ADAM18: variants seen among roughly 807,000 people sequenced by gnomAD.
The protein encoded by ADAM18 is ADAM metallopeptidase domain 18.
ADAM18 carries 117 observed loss-of-function variants against 94.4 expected under a neutral mutation model. The observed-to-expected ratio is 1.24, with a 90% CI of 1.07 to 1.45. The LOEUF (loss-of-function observed/expected upper bound fraction) is 1.45. Among genes scored for constraint, ADAM18 ranks in the 40% most tolerant of loss-of-function variants. The pLI is 0.00. For missense variants in ADAM18, 936 were observed against 880.0 expected (o/e 1.06, Z -0.81); for synonymous variants, 327 against 291.6 (o/e 1.12, Z -1.24).
intron 6 of ADAM18, 163 bp downstream of exon 6, chr8:39,610,869 A>C: frequency 1.6e-6 from 2 of 1,271,536 alleles, no homozygotes; most frequent in Non-Finnish European, 2.0e-6. Flanking sequence ...AAATATTTGG[A>C]AAGTTACATA....
At chr8:39,706,338 G>A (rs1312454260) in intron 17 of ADAM18, among the ~76,000 whole-genome samples, 1 of 152,016 alleles carries the variant, frequency 6.6e-6, no homozygotes, top group Non-Finnish European at 1.5e-5. Context: ...AAAGGGGCTA[G>A]GATAAGGAAT....
At chr8:39,706,764 A>T in intron 17 of ADAM18, 26 bp from the exon 18 acceptor site, 1 of 1,335,948 alleles carries the variant, frequency 7.5e-7, no homozygotes, top group Non-Finnish European at 1.1e-6. Context: ...GACGACTCAA[A>T]CTGTTTCTGT....
intron 12 of ADAM18, among the ~76,000 whole-genome samples, chr8:39,656,497 T>G (rs1288644248): frequency 1.3e-5 from 2 of 152,092 alleles, no homozygotes; most frequent in African/African-American, 4.8e-5. Flanking sequence ...TGTTGATAAA[T>G]GTGTAAAGGT....
At chr8:39,707,816 A>AG (rs1437305203) in intron 18 of ADAM18, among the ~76,000 whole-genome samples, 3 of 152,106 alleles carry the variant, frequency 2.0e-5, no homozygotes, top group African/African-American at 7.2e-5. Context: ...GTATTAATAT[A>AG]TTTTCCTTAT....
chr8:39,614,984 G>A (rs1489279197), intron 6 of ADAM18, among the ~76,000 whole-genome samples: 1 of 152,122 alleles, frequency 6.6e-6, no homozygotes, highest in Non-Finnish European at 1.5e-5. Context: ...ACAAAGAGAT[G>A]TAGATAACTG....
intron 7 of ADAM18, among the ~76,000 whole-genome samples, chr8:39,632,569 T>G (rs1475235562): frequency 2.0e-5 from 3 of 152,176 alleles, no homozygotes; most frequent in Non-Finnish European, 4.4e-5. Flanking sequence ...TAATATTTTG[T>G]TTTTGATTTT....
intron 11 of ADAM18, among the ~76,000 whole-genome samples, chr8:39,646,975 C>T (rs1453342778): frequency 9.2e-5 from 14 of 152,004 alleles, no homozygotes; most frequent in Non-Finnish European, 1.9e-4. Flanking sequence ...AGACATCTGA[C>T]TGAAATGTGA....
intron 10 of ADAM18, among the ~76,000 whole-genome samples, chr8:39,643,703 C>T (rs1176745903): frequency 1.3e-5 from 2 of 152,004 alleles, no homozygotes; most frequent in Non-Finnish European, 2.9e-5. Flanking sequence ...TTTGGCATTT[C>T]TTGGCTTATG....
At chr8:39,639,376 A>G (rs530928064) in intron 10 of ADAM18, among the ~76,000 whole-genome samples, 1 of 151,998 alleles carries the variant, frequency 6.6e-6, no homozygotes, top group South Asian at 2.1e-4. Flanking sequence ...TCCCTGCTCT[A>G]TTTTGCTCAA....
Position 39,625,197 on chromosome 8 carries a change from T to G in ADAM18, c.523-4177T>G, listed in dbSNP as rs372054081. Among the ~76,000 whole-genome samples, 77 of 152,326 alleles carry G rather than the reference T, an allele frequency of 5.1e-4. No homozygotes were observed. The South Asian group carries it at 0.016, about 31-fold the overall frequency. ...AGCATGGGATGAATTTCCAGTTTTT[T>G]CTGCTATCTAGGATTTAGTGTTCTG... is the stretch of plus-strand genomic sequence containing the variant. On this transcript the variant is annotated intron_variant, in intron 6 of 19. Transcript: ENST00000265707.
chr8:39,689,534 T>A (rs1222938917), intron 16 of ADAM18, among the ~76,000 whole-genome samples: 2 of 152,218 alleles, frequency 1.3e-5, no homozygotes, highest in Non-Finnish European at 2.9e-5. Flanking sequence ...GGGTTCTCTG[T>A]TCTGTTCCTT....
chr8:39,701,387 G>T (rs955560636), intron 17 of ADAM18, among the ~76,000 whole-genome samples: 33 of 151,846 alleles, frequency 2.2e-4, no homozygotes, highest in African/African-American at 8.0e-4. Flanking sequence ...TTATTAAGAT[G>T]CTTGTTGTTC....
chr8:39,647,734 G>A (rs930094568), intron 11 of ADAM18, among the ~76,000 whole-genome samples: 3 of 152,162 alleles, frequency 2.0e-5, no homozygotes, highest in Admixed American at 6.5e-5. Flanking sequence ...GAATGGCGAT[G>A]ACTTTTACCA....
intron 7 of ADAM18, among the ~76,000 whole-genome samples, chr8:39,635,586 TTA>T (rs1317140698): frequency 6.6e-6 from 1 of 152,172 alleles, no homozygotes; most frequent in African/African-American, 2.4e-5. Flanking sequence ...TTAACAACTA[TTA>T]TAAAATTTTT....
chr8:39,718,046 C>T (rs969871530), intron 18 of ADAM18, among the ~76,000 whole-genome samples: 1 of 151,482 alleles, frequency 6.6e-6, no homozygotes, highest in Non-Finnish European at 1.5e-5. Context: ...CACCTCATAC[C>T]TGTCAGGATG....
chr8:39,675,882 C>G (rs1200567316), intron 14 of ADAM18, among the ~76,000 whole-genome samples: 1 of 152,208 alleles, frequency 6.6e-6, no homozygotes, highest in Non-Finnish European at 1.5e-5. Context: ...ATGGTCAGGT[C>G]CCTCAGCTGC....
intron 2 of ADAM18, among the ~76,000 whole-genome samples, chr8:39,597,910 C>T (rs938434513): frequency 6.6e-6 from 1 of 152,088 alleles, no homozygotes; most frequent in Non-Finnish European, 1.5e-5. Flanking sequence ...TGTTGCTATC[C>T]ATAACATGGA....
intron 3 of ADAM18, among the ~76,000 whole-genome samples, chr8:39,606,635 C>T (rs1819095001): frequency 1.3e-5 from 2 of 152,052 alleles, no homozygotes; most frequent in South Asian, 4.1e-4. Flanking sequence ...AACCCAAGAA[C>T]AGCAAGTTAT....
At chr8:39,684,660 T>C (rs1007006503) in intron 16 of ADAM18, among the ~76,000 whole-genome samples, 2 of 152,230 alleles carry the variant, frequency 1.3e-5, no homozygotes, top group Non-Finnish European at 2.9e-5. Flanking sequence ...TGTGCTGGCC[T>C]CACTCTTGCT....
Sources: gnomAD v4.1 joint callset for allele counts (sites outside exome capture counted in the v4.1 genomes callset) on GRCh38, gnomAD v4.1.1 for gene constraint, MANE v1.5 for transcripts, NCBI Gene and HGNC (gene_info 2026-07-23, HGNC 2026-07-21) for gene names.